TXN: variants seen among roughly 807,000 people sequenced by gnomAD.
TXN encodes the protein thioredoxin.
In TXN, 10 loss-of-function variants were observed where a neutral mutation model predicts 16.5. That is an observed-to-expected ratio of 0.61 (90% CI 0.37 to 1.03). The LOEUF is 1.03. Ranked by LOEUF, TXN falls within the 50% of genes least tolerant of loss-of-function variation. TXN has a pLI of 0.01. For synonymous variants in TXN, 35 were observed against 39.4 expected (o/e 0.89, Z 0.42); for missense variants, 71 against 122.5 (o/e 0.58, Z 1.98).
chr9:110,252,048 A>ATGC (rs1044909566), intron 1 of TXN, among the ~76,000 whole-genome samples: 8 of 152,132 alleles, frequency 5.3e-5, no homozygotes, highest in African/African-American at 7.2e-5. Flanking sequence ...ATATGGTGAA[A>ATGC]TGCTGTCTCT....
intron 3 of TXN, chr9:110,245,087 G>T: frequency 3.1e-6 from 1 of 319,690 alleles, no homozygotes; most frequent in Non-Finnish European, 6.1e-6. Flanking sequence ...ACATTAACAG[G>T]CAGAATGTTC....
At chr9:110,244,296 T>C in intron 4 of TXN, 77 bp from the exon 5 acceptor site, 1 of 494,594 alleles carries the variant, frequency 2.0e-6, no homozygotes. Flanking sequence ...TATAAATATG[T>C]ATTTATATAT....
chr9:110,245,177 A>G (rs1837630602), intron 3 of TXN: 1 of 178,958 alleles, frequency 5.6e-6, no homozygotes, highest in South Asian at 1.3e-4. Context: ...TTTAAGTATC[A>G]TACAAAGAAG....
intron 3 of TXN, among the ~76,000 whole-genome samples, chr9:110,248,572 A>G (rs540671610): frequency 6.6e-6 from 1 of 152,288 alleles, no homozygotes; most frequent in South Asian, 2.1e-4. Context: ...AAAATTGCCT[A>G]ACATTTCTCA....
intron 1 of TXN, among the ~76,000 whole-genome samples, chr9:110,253,909 G>GT (rs1447164570): frequency 1.3e-5 from 2 of 152,118 alleles, no homozygotes; most frequent in African/African-American, 4.8e-5. Flanking sequence ...GAACAGTGTA[G>GT]TTGGGGTAAA....
At chr9:110,244,291 ATATG>A (rs1203498107) in intron 4 of TXN, 72 bp from the exon 5 acceptor site, 3 of 548,526 alleles carry the variant, frequency 5.5e-6, no homozygotes, top group East Asian at 4.6e-5. Flanking sequence ...ATATGTATAA[ATATG>A]TATTTATATA....
intron 1 of TXN, among the ~76,000 whole-genome samples, chr9:110,254,753 A>C (rs1290977495): frequency 6.6e-6 from 1 of 152,094 alleles, no homozygotes; most frequent in Non-Finnish European, 1.5e-5. Flanking sequence ...CAGAAATCCT[A>C]ATCAACTTTG....
intron 3 of TXN, 46 bp from the exon 4 acceptor site, chr9:110,244,889 G>C: frequency 1.3e-6 from 2 of 1,510,376 alleles, no homozygotes; most frequent in Non-Finnish European, 1.8e-6. Flanking sequence ...ACAAGACTGC[G>C]AGTACTGAGC....
intron 3 of TXN, among the ~76,000 whole-genome samples, chr9:110,246,865 G>T (rs1837666221): frequency 6.6e-6 from 1 of 152,168 alleles, no homozygotes; most frequent in Admixed American, 6.5e-5. Flanking sequence ...AAGGGTCAGA[G>T]GGAGGTTACC....
intron 3 of TXN, among the ~76,000 whole-genome samples, chr9:110,245,606 C>T (rs1284802207): frequency 9.8e-6 from 1 of 101,998 alleles, no homozygotes; most frequent in Non-Finnish European, 1.9e-5. Context: ...TATATATACA[C>T]ACACACACAC....
intron 4 of TXN, 123 bp from the exon 5 acceptor site, chr9:110,244,342 A>ATATACATATACATATGTATATATATAG (rs1587919701): frequency 5.5e-6 from 1 of 180,452 alleles, no homozygotes; most frequent in African/African-American, 3.3e-5. Context: ...CATATGTATA[A>ATATACATATACATATGTATATATATAG]ATATGTATTC....
chr9:110,250,749 A>G, intron 3 of TXN, 71 bp downstream of exon 3: 1 of 1,146,304 alleles, frequency 8.7e-7, no homozygotes, highest in Admixed American at 2.2e-5. Flanking sequence ...TATGGAAAAA[A>G]GCACTGTGCA....
rs777499965 is a variant in TXN at position 110,244,138 on chromosome 9, A to G, written c.*19T>C. ...AGTTTTAAATAGCCAATGGCTGGTTATATTTTCAGAAAACATGATTAGACT... is the reference window on the plus strand; with the variant it reads ...AGTTTTAAATAGCCAATGGCTGGTTGTATTTTCAGAAAACATGATTAGACT... On this transcript the variant is annotated 3_prime_UTR_variant, in exon 5 of 5. Coordinates refer to ENST00000374517, the MANE Select transcript of TXN (RefSeq NM_003329.4). The G allele has an allele frequency of 2.0e-6, 3 of 1,505,066 alleles. No individual in the cohort carries two copies. The highest frequency in any genetic ancestry group is 2.7e-6 in the Non-Finnish European group (3 of 1,118,522). 93.2% of individuals were successfully genotyped at this position (1,505,066 alleles called of 1,614,324 possible).
rs184701744 is a variant in TXN, at chr9:110,249,434, A to G, written c.189+1386T>C. On this transcript the variant is annotated intron_variant, in intron 3 of 4. Coordinates refer to ENST00000374517, the MANE Select transcript of TXN (RefSeq NM_003329.4). ...GGTGTGCTAGGTGAAGGGGCAACCA[A>G]CGTGAATTAAGACAGGGTCTCTGAT... Among the ~76,000 whole-genome samples the G allele has an allele frequency of 3.3e-5, 5 of 152,316 alleles. No homozygotes were observed. The East Asian group carries it at 9.6e-4, about 29-fold the overall frequency.
rs1837805649 is a variant in TXN, at chr9:110,256,075, C to A, written c.24+337G>T. ...GGAGGCGCAGCGTGGGGACTCCTCA[C>A]GCTGTCTGCGCTCTCACATCCCCCG... is the stretch of plus-strand genomic sequence containing the variant. On this transcript the variant is annotated intron_variant, in intron 1 of 4. Transcript: ENST00000374517. The surrounding 1 kb of genome is among the most constrained non-coding windows in gnomAD (Gnocchi z 4.2). Among the ~76,000 whole-genome samples the A allele has an allele frequency of 1.3e-5, 2 of 152,190 alleles. No individual in the cohort carries two copies. The highest frequency in any genetic ancestry group is 2.9e-5 in the Non-Finnish European group (2 of 68,002).
rs1012933057 is a variant in TXN at position 110,251,415 on chromosome 9, T to C, written c.72A>G (p.Val24=). ...CACACCACGTGGCTGAGAAGTCAAC[T>C]ACTACAAGTTTATCACCTGCAGCGT... is the stretch of plus-strand genomic sequence containing the variant. ...ALDAAGDKLV[V]VDFSATWCGP... The change falls in exon 2 of 5, where the codon GTA becomes GTG. Residue 24 remains valine (V), a synonymous_variant. Transcript: ENST00000374517. 2.5e-6 allele frequency: 4 copies of C among 1,612,078 alleles called. No homozygotes were observed. Among genetic ancestry groups the C allele is most frequent in the African/African-American group, 1.3e-5 (1 of 74,830 alleles).
At chr9:110,248,123 A>G (rs960734969) in intron 3 of TXN, among the ~76,000 whole-genome samples, 1 of 152,210 alleles carries the variant, frequency 6.6e-6, no homozygotes, top group Admixed American at 6.5e-5. Context: ...TGTTATTACA[A>G]GAGTTAAAGA....
intron 1 of TXN, among the ~76,000 whole-genome samples, chr9:110,254,450 A>G (rs1320987386): frequency 3.9e-5 from 6 of 152,228 alleles, no homozygotes; most frequent in African/African-American, 1.4e-4. Flanking sequence ...TGAACTCAGG[A>G]GGTGGAGGTT....
chr9:110,247,142 G>A (rs750258892), intron 3 of TXN, among the ~76,000 whole-genome samples: 1 of 152,070 alleles, frequency 6.6e-6, no homozygotes, highest in Non-Finnish European at 1.5e-5. Flanking sequence ...GGCCAACATG[G>A]CAAAATGCTG....
Sources: gnomAD v4.1 joint callset for allele counts (sites outside exome capture counted in the v4.1 genomes callset) on GRCh38, gnomAD v4.1.1 for gene constraint, Gnocchi (gnomAD v3.1) non-coding constraint, MANE v1.5 for transcripts, NCBI Gene and HGNC (gene_info 2026-07-23, HGNC 2026-07-21) for gene names.